The following MYH1 variants were observed in gnomAD, a reference collection of about 807,000 sequenced individuals.
MYH1 encodes the protein myosin-1.
MYH1 carries 214 observed loss-of-function variants against 225.6 expected under a neutral mutation model. The observed-to-expected ratio is 0.95, with a 90% CI of 0.85 to 1.06. The LOEUF (loss-of-function observed/expected upper bound fraction) is 1.06. Among genes scored for constraint, MYH1 ranks in the 50% least tolerant of loss-of-function variants. MYH1 has a pLI of 0.00. For missense variants in MYH1, 2,098 were observed against 2,344.2 expected (o/e 0.89, Z 2.17); for synonymous variants, 774 against 842.3 (o/e 0.92, Z 1.40).
At chr17:10,497,499 G>A (rs1305877948) in intron 31 of MYH1, 47 bp from the exon 32 acceptor site, 1 of 1,575,416 alleles carries the variant, frequency 6.3e-7, no homozygotes, top group East Asian at 2.2e-5. Context: ...AAAATTTGAT[G>A]AGATAAAAAC....
intron 28 of MYH1, 82 bp downstream of exon 28, chr17:10,500,544 G>A (rs1597436737): frequency 6.3e-7 from 1 of 1,592,360 alleles, no homozygotes; most frequent in East Asian, 2.2e-5. Flanking sequence ...ATGACCTCAA[G>A]TAAATAAATG....
chr17:10,496,924 G>T, intron 33 of MYH1, 145 bp downstream of exon 33: 4 of 1,092,314 alleles, frequency 3.7e-6, no homozygotes, highest in Non-Finnish European at 5.2e-6. Context: ...GGTTATGTTG[G>T]TTGTATGCAT....
chr17:10,514,853 A>G lies in MYH1; in HGVS notation c.533+15T>C. 1 of 1,604,940 alleles carries G rather than the reference A, an allele frequency of 6.2e-7. No homozygotes were observed. Among genetic ancestry groups the G allele is most frequent in the Non-Finnish European group, 8.5e-7 (1 of 1,175,620 alleles). ...AGAACAAACTGCCAATAAATCTCAG[A>G]ATAGGAATACATACGTGATCAAGAT... On this transcript the variant is annotated intron_variant, in intron 6 of 39. Transcript: ENST00000226207.
At chr17:10,508,854 G>A (rs1157210827) in intron 15 of MYH1, among the ~76,000 whole-genome samples, 182 bp from the exon 16 acceptor site, 1 of 152,204 alleles carries the variant, frequency 6.6e-6, no homozygotes, top group East Asian at 1.9e-4. Context: ...CTGATCAGGA[G>A]CCACGTGCTG....
rs1057384882 is a variant in MYH1 at position 10,508,014 on chromosome 17, T to TG, written c.1898-59_1898-58insC. On this transcript the variant is annotated intron_variant, in intron 16 of 39. Transcript: ENST00000226207. ...CCTTTCTCTGGTTATGGTTTTTTTT[T>TG]TTTGTTTTTTTTTGTTTTTTTTGAC... The TG allele has an allele frequency of 6.3e-5, 84 of 1,334,650 alleles. No individual in the cohort carries two copies. The African/African-American group carries it at 6.5e-4, about 10-fold the overall frequency. The allele number at this position is 1,334,650 out of a possible 1,614,324, so 82.7% of individuals were successfully genotyped here.
rs1468851683 is a variant in MYH1 at position 10,505,809 on chromosome 17, G to A, written c.2174+3C>T. 6.2e-7 allele frequency: 1 copy of A among 1,613,894 alleles called. No individual in the cohort carries two copies. On this transcript the variant is annotated splice_donor_region_variant and intron_variant, in intron 19 of 39. Coordinates refer to ENST00000226207, the MANE Select transcript of MYH1 (RefSeq NM_005963.4). ...AAAATAATTTACAGCAAAAATGTCT[G>A]ACCTCTGTTTGAAGTCTGCATAAAG...
chr17:10,497,217 A>G (rs1597435106), intron 32 of MYH1, 24 bp from the exon 33 acceptor site: 2 of 1,597,646 alleles, frequency 1.3e-6, no homozygotes, highest in Non-Finnish European at 1.7e-6. Context: ...AAAAATATAG[A>G]AATTTGTTTA....
intron 17 of MYH1, among the ~76,000 whole-genome samples, chr17:10,506,783 G>A (rs1047129369): frequency 2.0e-5 from 3 of 152,124 alleles, no homozygotes; most frequent in African/African-American, 7.2e-5. Context: ...ATGAGCCATG[G>A]TGCCCAGTCA....
Position 10,494,669 on chromosome 17 carries a change from C to T in MYH1, c.5471G>A (p.Arg1824His), listed in dbSNP as rs373056400. 72 of 1,613,668 alleles carry T rather than the reference C, an allele frequency of 4.5e-5. No individual in the cohort carries two copies. Among genetic ancestry groups the T allele is most frequent in the African/African-American group, 2.5e-4 (19 of 74,910 alleles). The change falls in exon 38 of 40, where the codon CGT (arginine) becomes CAT (histidine). Residue 1824 changes from arginine (R) to histidine (H), a missense_variant. By Grantham distance (29) the Arg-to-His change is conservative (BLOSUM62 0). Transcript: ENST00000226207. Reference protein sequence around the residue: ...KQIQKLEARVRELEGEVESEQ... With the variant: ...KQIQKLEARVHELEGEVESEQ... Reference sequence around the variant, plus strand: ...ACTTTCAACTTCACCTTCAAGTTCACGAACCTACAAGAAGATGGACATTTT... The same window carrying T: ...ACTTTCAACTTCACCTTCAAGTTCATGAACCTACAAGAAGATGGACATTTT...
In MYH1 at chr17:10,495,106, T is replaced by C; in HGVS notation, c.5296-5A>G. 9.9e-6 allele frequency: 16 copies of C among 1,614,182 alleles called. No individual in the cohort carries two copies. The highest frequency in any genetic ancestry group is 1.2e-5 in the Non-Finnish European group (14 of 1,180,038). ...CTCCTCAGCCATCATGGCAGCCTAA[T>C]TAGCAGTAAAACAGAATGGGTTAAG... On this transcript the variant is annotated splice_region_variant and splice_polypyrimidine_tract_variant and intron_variant, in intron 36 of 39. Coordinates refer to ENST00000226207, the MANE Select transcript of MYH1 (RefSeq NM_005963.4).
At chr17:10,515,088 A>C (rs559077212) in intron 5 of MYH1, among the ~76,000 whole-genome samples, 193 bp from the exon 6 acceptor site, 10 of 152,330 alleles carry the variant, frequency 6.6e-5, no homozygotes, top group Admixed American at 3.9e-4. Context: ...TACATTCCGT[A>C]GTTGTCATCT....
chr17:10,511,780 C>CTGCAGCAACAAGCT, intron 14 of MYH1, 59 bp downstream of exon 14: 2 of 1,612,568 alleles, frequency 1.2e-6, no homozygotes, highest in South Asian at 2.2e-5. Flanking sequence ...TGCTATATGA[C>CTGCAGCAACAAGCT]TGCAGCAACA....
rs1464737437 is a variant in MYH1 at position 10,496,653 on chromosome 17, T to C, written c.4657-104A>G. On this transcript the variant is annotated intron_variant, in intron 33 of 39. Transcript: ENST00000226207. ...ATGAAACCTTATTTATAAATAGATT[T>C]CTAAGTAGTAGTAAGATTTAAACAA... 2.0e-6 allele frequency: 3 copies of C among 1,536,092 alleles called. No homozygotes were observed. In the East Asian group the frequency reaches 6.8e-5, roughly 35 times the overall value.
chr17:10,496,643 TA>T (rs1340323711), intron 33 of MYH1, 94 bp from the exon 34 acceptor site: 3 of 1,561,426 alleles, frequency 1.9e-6, no homozygotes, highest in Non-Finnish European at 1.7e-6. Context: ...ACCTTATTTA[TA>T]AATAGATTTC....
Position 10,494,916 on chromosome 17 carries a change from G to A in MYH1, c.5466+15C>T. On this transcript the variant is annotated intron_variant, in intron 37 of 39. Coordinates refer to ENST00000226207, the MANE Select transcript of MYH1 (RefSeq NM_005963.4). ...TTGGAATGAGATAGAAATACATGCT[G>A]ATTAGGAGACCCACCCTGGCCTCCA... 3.1e-6 allele frequency: 5 copies of A among 1,614,056 alleles called. No homozygotes were observed. The highest frequency in any genetic ancestry group is 4.2e-6 in the Non-Finnish European group (5 of 1,180,004).
chr17:10,494,485 G>T (rs1054383833), intron 38 of MYH1, 36 bp from the exon 39 acceptor site: 3 of 1,610,810 alleles, frequency 1.9e-6, no homozygotes, highest in Non-Finnish European at 2.5e-6. Context: ...TTTCTTGAAA[G>T]TACAAATATT....
In MYH1 at chr17:10,500,596, A is replaced by T. The variant is rs375462219; in HGVS notation, c.3865+30T>A. On this transcript the variant is annotated intron_variant, in intron 28 of 39. Transcript: ENST00000226207. ...ATTACACATGCAGGGTGAATTTGTCATTCAAGGTCAGTACTGGTACATGGC... is the reference window on the plus strand; with the variant it reads ...ATTACACATGCAGGGTGAATTTGTCTTTCAAGGTCAGTACTGGTACATGGC... The T allele has an allele frequency of 5.7e-5, 92 of 1,611,022 alleles. 1 individual carries two copies. Among genetic ancestry groups the T allele is most frequent in the Non-Finnish European group, 7.4e-5 (87 of 1,179,400 alleles).
Position 10,504,864 on chromosome 17 carries a change from T to C in MYH1, c.2637A>G (p.Glu879=). 6.2e-7 allele frequency: 1 copy of C among 1,614,210 alleles called. No homozygotes were observed. The highest frequency in any genetic ancestry group is 8.5e-7 in the Non-Finnish European group (1 of 1,180,040). The change falls in exon 22 of 40, where the codon GAA becomes GAG. Residue 879 remains glutamate (E), a synonymous_variant. Transcript: ENST00000226207. The stretch of plus-strand genomic sequence containing the variant: ...TTTCTTGCATCAGAGTAACCATTTT[T>C]TCTTCCAGCTCTTTCCTTTTTGCCT... ...KTEAKRKELE[E]KMVTLMQEKN...
At chr17:10,507,811 T>C in intron 17 of MYH1, 75 bp downstream of exon 17, 1 of 1,223,302 alleles carries the variant, frequency 8.2e-7, no homozygotes, top group Non-Finnish European at 1.2e-6. Flanking sequence ...CCTTGCAAGG[T>C]TAGTTTTTTC....
Sources: gnomAD v4.1 joint callset for allele counts (sites outside exome capture counted in the v4.1 genomes callset) on GRCh38, gnomAD v4.1.1 for gene constraint, MANE v1.5 for transcripts, NCBI Gene and HGNC (gene_info 2026-07-23, HGNC 2026-07-21) for gene names.